Variants in TYSND1 observed in about 807,000 individuals in gnomAD.
TYSND1 encodes the protein peroxisomal leader peptide-processing protease.
Under a neutral mutation model 37.2 loss-of-function variants are expected in TYSND1, and 30 were observed. The ratio of observed to expected loss-of-function variants is 0.81; its 90% CI spans 0.60 to 1.09. The LOEUF is 1.09. TYSND1 is among the 50% of genes least tolerant of loss of function. The probability of loss-of-function intolerance (pLI) is 0.00; values close to 1 mark genes in which losing one functional copy is unlikely to be tolerated. For synonymous variants in TYSND1, 364 were observed against 383.8 expected (o/e 0.95, Z 0.60); for missense variants, 806 against 817.4 (o/e 0.99, Z 0.17).
At chr10:70,142,150 C>G (rs2072787941) in intron 3 of TYSND1, among the ~76,000 whole-genome samples, 1 of 151,966 alleles carries the variant, frequency 6.6e-6, no homozygotes, top group African/African-American at 2.4e-5. Flanking sequence ...TTTTTAAAAA[C>G]CTGAATGTTA....
chr10:70,142,925 A>T (rs2072808545), intron 2 of TYSND1, 72 bp from the exon 3 acceptor site: 3 of 1,521,070 alleles, frequency 2.0e-6, no homozygotes, highest in Non-Finnish European at 2.7e-6. Context: ...CCTAACTCCC[A>T]TCCCTACCCT....
chr10:70,140,268 G>A, intron 3 of TYSND1, 127 bp from the exon 4 acceptor site: 1 of 685,442 alleles, frequency 1.5e-6, no homozygotes, highest in Non-Finnish European at 2.5e-6. Flanking sequence ...CCCACGTGGT[G>A]ACAGACGCTG....
chr10:70,145,495 G>T lies in TYSND1; in HGVS notation c.1092C>A (p.Pro364=), dbSNP rs1421091275. 6.5e-7 allele frequency: 1 copy of T among 1,529,506 alleles called. No individual in the cohort carries two copies. The highest frequency in any genetic ancestry group is 2.0e-5 in the Admixed American group (1 of 49,872). The allele number at this position is 1,529,506 out of a possible 1,614,324, so 94.7% of individuals were successfully genotyped here. The change falls in exon 1 of 4, where the codon CCC becomes CCA. Residue 364 remains proline (P), a synonymous_variant. Coordinates refer to ENST00000287078, the MANE Select transcript of TYSND1 (RefSeq NM_173555.4). ...CGTGCCGACAGGTCACTACAAGGCG[G>T]GGTGCCACAGCCACTCCGGAGCCCC... ...TVWGSGVAVA[P]RLVVTCRHVS... is the part of the protein sequence containing the mutation.
chr10:70,139,869 T>C lies in TYSND1; in HGVS notation c.*55A>G. 6.5e-7 allele frequency: 1 copy of C among 1,544,874 alleles called. No homozygotes were observed. The highest frequency in any genetic ancestry group is 2.3e-5 in the East Asian group (1 of 44,058). ...TCCTGAGGCCACCGTCACCTCAACA[T>C]CACTTCCTACAGCAGAAAAAGGTCA... On this transcript the variant is annotated 3_prime_UTR_variant, in exon 4 of 4. Transcript: ENST00000287078.
At position 70,146,334 on chromosome 10, in the gene TYSND1, C is replaced by A; in HGVS notation, c.253G>T (p.Val85Leu). 6.5e-7 allele frequency: 1 copy of A among 1,529,284 alleles called. No homozygotes were observed. Among genetic ancestry groups the A allele is most frequent in the South Asian group, 1.2e-5 (1 of 82,712 alleles). The allele number at this position is 1,529,284 out of a possible 1,614,324, so 94.7% of individuals were successfully genotyped here. ...DSCRDDLRLH[V>L]QWAPTAAGPG... ...CCCGCGGCCGTTGGGGCCCACTGCACGTGCAGGCGCAGGTCGTCCCTGCAA... is the reference window on the plus strand; with the variant it reads ...CCCGCGGCCGTTGGGGCCCACTGCAAGTGCAGGCGCAGGTCGTCCCTGCAA... The change falls in exon 1 of 4, where the codon GTG becomes TTG. Residue 85 changes from valine (V) to leucine (L), a missense_variant. This residue lies in a region of TYSND1 where 708 missense variants were observed against 705.4 expected (regional missense o/e 1.00). Coordinates refer to ENST00000287078, the MANE Select transcript of TYSND1 (RefSeq NM_173555.4).
chr10:70,140,103 C>G lies in TYSND1; in HGVS notation c.1522G>C (p.Ala508Pro). The change falls in exon 4 of 4, where the codon GCC becomes CCC. Residue 508 changes from alanine (A) to proline (P), a missense_variant. Physicochemically the swap from Ala to Pro is conservative, Grantham distance 27. This residue lies in a region of TYSND1 where 708 missense variants were observed against 705.4 expected (regional missense o/e 1.00). Transcript: ENST00000287078. ...TSNTRDNNTG[A>P]TYPHLNFSIP... ...CTGAAGTTCAGGTGGGGGTAGGTGGCCCCCGTATTATTGTCCCGGGTGTTG... is the reference window on the plus strand; with the variant it reads ...CTGAAGTTCAGGTGGGGGTAGGTGGGCCCCGTATTATTGTCCCGGGTGTTG... 1 of 1,613,416 alleles carries G rather than the reference C, an allele frequency of 6.2e-7. No individual in the cohort carries two copies.
chr10:70,144,433 TG>T, intron 1 of TYSND1: 3 of 995,018 alleles, frequency 3.0e-6, no homozygotes, highest in Non-Finnish European at 3.6e-6. Flanking sequence ...TCCCGTCAGT[TG>T]GTGGGTCAGA....
chr10:70,146,120 G>A lies in TYSND1; in HGVS notation c.467C>T (p.Ala156Val), dbSNP rs774876508. 6.4e-7 allele frequency: 1 copy of A among 1,562,324 alleles called. No individual in the cohort carries two copies. The highest frequency in any genetic ancestry group is 1.2e-5 in the South Asian group (1 of 85,106). Reference sequence around the variant, plus strand: ...CGCGCTCGAGAAGCGCCACTGTTCCGCTGCCTCGTCCCCGAAGAGGCGCGC... The same window carrying A: ...CGCGCTCGAGAAGCGCCACTGTTCCACTGCCTCGTCCCCGAAGAGGCGCGC... ...HFARLFGDEA[A>V]EQWRFSSAAR... The change falls in exon 1 of 4, where the codon GCG becomes GTG. Residue 156 changes from alanine (A) to valine (V), a missense_variant. Physicochemically the swap from Ala to Val is moderately conservative, Grantham distance 64 (BLOSUM62 0). Coordinates refer to ENST00000287078, the MANE Select transcript of TYSND1 (RefSeq NM_173555.4).
In TYSND1 at chr10:70,145,824, C is replaced by G; in HGVS notation, c.763G>C (p.Ala255Pro). 1 of 1,529,720 alleles carries G rather than the reference C, an allele frequency of 6.5e-7. No individual in the cohort carries two copies. Among genetic ancestry groups the G allele is most frequent in the Non-Finnish European group, 8.8e-7 (1 of 1,139,056 alleles). The allele number at this position is 1,529,720 out of a possible 1,614,324, so 94.8% of individuals were successfully genotyped here. A position where few individuals can be genotyped will look rare whatever the true frequency, so the allele number is the denominator to read the frequency against. ...NVAGPLLLTDARCLPGTEGGG... is the reference protein window; with the variant it reads ...NVAGPLLLTDPRCLPGTEGGG... ...CCCTCGGTGCCGGGCAGGCAGCGTG[C>G]GTCGGTAAGCAGCAGTGGGCCGGCC... The change falls in exon 1 of 4, where the codon GCA becomes CCA. Residue 255 changes from alanine (A) to proline (P), a missense_variant. Transcript: ENST00000287078.
chr10:70,143,758 A>C (rs2072826877), intron 2 of TYSND1, 84 bp downstream of exon 2: 1 of 1,546,696 alleles, frequency 6.5e-7, no homozygotes, highest in Non-Finnish European at 8.8e-7. Context: ...TGACTTCATG[A>C]GAATGCCCAA....
At chr10:70,141,704 C>T (rs2072777510) in intron 3 of TYSND1, among the ~76,000 whole-genome samples, 1 of 150,744 alleles carries the variant, frequency 6.6e-6, no homozygotes, top group African/African-American at 2.4e-5. Flanking sequence ...CCAAGGTAGA[C>T]TTAGTATTTT....
chr10:70,142,556 G>A, intron 3 of TYSND1, 112 bp downstream of exon 3: 1 of 1,028,442 alleles, frequency 9.7e-7, no homozygotes, highest in South Asian at 1.6e-5. Context: ...CACTCATAAT[G>A]CCCACCATTT....
intron 3 of TYSND1, among the ~76,000 whole-genome samples, chr10:70,140,650 A>C (rs1353670877): frequency 6.6e-6 from 1 of 152,242 alleles, no homozygotes; most frequent in Non-Finnish European, 1.5e-5. Context: ...TCTTGCCTAA[A>C]TATTGCAGAA....
chr10:70,145,768 CCCCGCGGGCCGCGCGGTGA>C lies in TYSND1; in HGVS notation c.800_818del (p.Phe267TrpfsTer95). 6.9e-7 allele frequency: 1 copy of C among 1,446,674 alleles called. No homozygotes were observed. Among genetic ancestry groups the C allele is most frequent in the Admixed American group, 2.7e-5 (1 of 36,636 alleles). The allele number at this position is 1,446,674 out of a possible 1,614,324, so 89.6% of individuals were successfully genotyped here. The stretch of plus-strand genomic sequence containing the variant: ...GCGCCACCACCAGCGCCACCAGCGC[CCCCGCGGGCCGCGCGGTGA>C]ACACGCCGCCGCCCTCGGTGCCGGG... On this transcript the variant is annotated frameshift_variant, in exon 1 of 4. Transcript: ENST00000287078. LOFTEE classifies it high-confidence loss of function.
rs774800822 is a variant in TYSND1 at position 70,145,974 on chromosome 10, T to C, written c.613A>G (p.Met205Val). 42 of 1,566,536 alleles carry C rather than the reference T, an allele frequency of 2.7e-5. No homozygotes were observed. The highest frequency in any genetic ancestry group is 3.5e-5 in the Non-Finnish European group (41 of 1,157,214). Residue 205 changes from methionine to valine, a missense_variant, in exon 1 of 4, where the codon ATG becomes GTG. By Grantham distance (21) the Met-to-Val change is conservative. Coordinates refer to ENST00000287078, the MANE Select transcript of TYSND1 (RefSeq NM_173555.4). Reference protein sequence around the residue: ...EEVEEERGPAMAVSPLGAVPK... With the variant: ...EEVEEERGPAVAVSPLGAVPK... ...ACGGCCCCGAGAGGCGACACCGCCA[T>C]GGCTGGCCCGCGCTCCTCCTCCACC...
At chr10:70,140,800 G>C (rs942546139) in intron 3 of TYSND1, among the ~76,000 whole-genome samples, 1 of 152,154 alleles carries the variant, frequency 6.6e-6, no homozygotes, top group African/African-American at 2.4e-5. Flanking sequence ...AGTTGCACTA[G>C]TTTTTCCACT....
intron 3 of TYSND1, among the ~76,000 whole-genome samples, chr10:70,141,764 CAG>C (rs1260485551): frequency 2.0e-5 from 3 of 151,782 alleles, no homozygotes; most frequent in African/African-American, 7.3e-5. Flanking sequence ...AAAATAGAGG[CAG>C]AGTCTCACTA....
chr10:70,141,720 C>CTT (rs11383709), intron 3 of TYSND1, among the ~76,000 whole-genome samples: 44 of 150,510 alleles, frequency 2.9e-4, no homozygotes, highest in Non-Finnish European at 5.3e-4. Flanking sequence ...ATTTTCCTTT[C>CTT]TTTTTTTTTA....
chr10:70,140,173 T>G, intron 3 of TYSND1, 32 bp from the exon 4 acceptor site: 1 of 1,553,326 alleles, frequency 6.4e-7, no homozygotes, highest in Non-Finnish European at 8.8e-7. Flanking sequence ...AAAGAGGATG[T>G]GAGCCAGGGG....
Sources: allele counts gnomAD v4.1 joint callset (sites outside exome capture counted in the v4.1 genomes callset), GRCh38; gene constraint gnomAD v4.1.1; regional missense constraint gnomAD v4.1.1; transcripts MANE v1.5; gene names NCBI Gene and HGNC (gene_info 2026-07-23, HGNC 2026-07-21).